DAB1: variants seen among roughly 807,000 people sequenced by gnomAD.
The protein encoded by DAB1 is DAB adaptor protein 1.
Under a neutral mutation model 64.6 loss-of-function variants are expected in DAB1, and 15 were observed. That is an observed-to-expected ratio of 0.23 (90% CI 0.16 to 0.36). DAB1 has a LOEUF of 0.36. DAB1 is among the 10% of genes least tolerant of loss of function. The pLI is 1.00. For synonymous variants in DAB1, 235 were observed against 251.9 expected, an observed-to-expected ratio of 0.93 and a Z score of 0.64; for missense variants, 596 against 706.7, an observed-to-expected ratio of 0.84 and a Z score of 1.78.
intron 1 of DAB1, among the ~76,000 whole-genome samples, chr1:57,842,663 G>A (rs852791): frequency 0.22 from 33,783 of 152,094 alleles, 4,402 homozygotes; most frequent in Non-Finnish European, 0.29. Context: ...AAGCAAGGGG[G>A]GGATGTGCCA....
At chr1:57,892,326 G>A (rs1272052470) in intron 5 of DAB1, among the ~76,000 whole-genome samples, 1 of 152,130 alleles carries the variant, frequency 6.6e-6, no homozygotes, top group East Asian at 1.9e-4. Context: ...CTCACCCCAT[G>A]GAATTAGGCA....
At chr1:57,137,257 G>A (rs1005211426) in intron 3 of DAB1, among the ~76,000 whole-genome samples, 1 of 152,074 alleles carries the variant, frequency 6.6e-6, no homozygotes, top group Non-Finnish European at 1.5e-5. Context: ...CAAAAAAACT[G>A]TTTCCTCACT....
At chr1:57,182,554 C>T (rs1205490030) in intron 2 of DAB1, among the ~76,000 whole-genome samples, 1 of 152,172 alleles carries the variant, frequency 6.6e-6, no homozygotes, top group Non-Finnish European at 1.5e-5. Flanking sequence ...GGAGGAAAGA[C>T]TTATCTCCTA....
In DAB1 at chr1:57,218,515, T is replaced by TAAAAAAAAAAAAAA. The variant is rs776398255; in HGVS notation, c.67+72435_67+72448dup. ...AGCAACATAGTGAGACCCCCATCTC[T>TAAAAAAAAAAAAAA]AAAAAAAAAAAAAAAAAAAAAAAAA... On this transcript the variant is annotated intron_variant, in intron 2 of 14. Coordinates refer to ENST00000371236, the MANE Select transcript of DAB1 (RefSeq NM_001365792.1). Among the ~76,000 whole-genome samples, 29 of 71,448 alleles carry TAAAAAAAAAAAAAA rather than the reference T, an allele frequency of 4.1e-4. 2 individuals are homozygous for TAAAAAAAAAAAAAA. The highest frequency in any genetic ancestry group is 1.9e-3 in the African/African-American group (25 of 13,462). The allele number at this position is 71,448 out of a possible 152,430, so 46.9% of individuals were successfully genotyped here.
chr1:58,423,568 T>C (rs565433093), intron 3 of DAB1, among the ~76,000 whole-genome samples: 2 of 152,346 alleles, frequency 1.3e-5, no homozygotes, highest in African/African-American at 4.8e-5. Flanking sequence ...CAGGGTTCCC[T>C]ATCCTTCAGC....
At chr1:58,487,912 T>C (rs999683130) in intron 3 of DAB1, among the ~76,000 whole-genome samples, 10 of 138,046 alleles carry the variant, frequency 7.2e-5, no homozygotes, top group African/African-American at 2.2e-4. Flanking sequence ...GTACCTCTTC[T>C]CCTGATCCTA....
intron 1 of DAB1, among the ~76,000 whole-genome samples, chr1:57,380,927 A>T (rs1681318200): frequency 6.6e-6 from 1 of 152,196 alleles, no homozygotes. Context: ...TTGAAATGTA[A>T]GAGTTGATGA....
At chr1:57,952,657 G>A (rs1645303813) in intron 5 of DAB1, among the ~76,000 whole-genome samples, 1 of 152,104 alleles carries the variant, frequency 6.6e-6, no homozygotes, top group Non-Finnish European at 1.5e-5. Flanking sequence ...AGCAAATAAA[G>A]CCTTCCTACC....
chr1:57,098,763 A>C (rs1365417561), intron 4 of DAB1, among the ~76,000 whole-genome samples: 1 of 152,224 alleles, frequency 6.6e-6, no homozygotes, highest in Non-Finnish European at 1.5e-5. Flanking sequence ...ATAATTATTT[A>C]AAAATTGGGG....
At chr1:57,516,880 G>A (rs955295628) in intron 7 of DAB1, among the ~76,000 whole-genome samples, 1 of 152,110 alleles carries the variant, frequency 6.6e-6, no homozygotes, top group Non-Finnish European at 1.5e-5. Context: ...TTATTCATCC[G>A]TCTGCTCAAG....
intron 6 of DAB1, among the ~76,000 whole-genome samples, chr1:57,804,128 G>T (rs1032042286): frequency 6.6e-6 from 1 of 152,172 alleles, no homozygotes; most frequent in Non-Finnish European, 1.5e-5. Flanking sequence ...TCAAAAATAT[G>T]TATTACAGAC....
chr1:57,844,233 C>T (rs768234985), intron 1 of DAB1, among the ~76,000 whole-genome samples: 10 of 152,196 alleles, frequency 6.6e-5, no homozygotes, highest in South Asian at 2.1e-4. Context: ...ACTGAAATAA[C>T]GGATTCATGT....
intron 2 of DAB1, among the ~76,000 whole-genome samples, chr1:58,518,647 G>A (rs1264345725): frequency 6.8e-6 from 1 of 148,136 alleles, no homozygotes; most frequent in Non-Finnish European, 1.5e-5. Context: ...AACCCTGGAG[G>A]ACTCCAGGGT....
chr1:58,368,388 T>C (rs1237079339), intron 3 of DAB1, among the ~76,000 whole-genome samples: 1 of 152,114 alleles, frequency 6.6e-6, no homozygotes, highest in East Asian at 1.9e-4. Flanking sequence ...AAGTTTTGGT[T>C]ACCCCACTGG....
chr1:57,578,160 C>T (rs1645272240), intron 7 of DAB1, among the ~76,000 whole-genome samples: 1 of 152,146 alleles, frequency 6.6e-6, no homozygotes, highest in African/African-American at 2.4e-5. Flanking sequence ...CAAAATTGTG[C>T]CAGAGGGTTC....
intron 9 of DAB1, among the ~76,000 whole-genome samples, chr1:57,047,664 G>T (rs1016073616): frequency 6.6e-6 from 1 of 152,180 alleles, no homozygotes; most frequent in African/African-American, 2.4e-5. Flanking sequence ...ATAATTTTCT[G>T]TTGTTTAAAC....
intron 5 of DAB1, among the ~76,000 whole-genome samples, chr1:58,059,959 C>T (rs986419551): frequency 3.9e-5 from 6 of 152,134 alleles, no homozygotes; most frequent in Admixed American, 3.3e-4. Flanking sequence ...TTCCTGGGAG[C>T]TCCCGGGAAG....
chr1:57,549,918 C>T (rs1049879184), intron 7 of DAB1, among the ~76,000 whole-genome samples: 1 of 152,100 alleles, frequency 6.6e-6, no homozygotes, highest in Admixed American at 6.6e-5. Flanking sequence ...GTTCTACAGG[C>T]ATTAGGAGGT....
chr1:57,876,290 T>C (rs1644044601), intron 1 of DAB1: 1 of 152,108 alleles, frequency 6.6e-6, no homozygotes, highest in South Asian at 2.1e-4. Context: ...TTTACTCAGT[T>C]TAGTAGCCAT....
Sources: gnomAD v4.1 joint callset for allele counts (sites outside exome capture counted in the v4.1 genomes callset) on GRCh38, gnomAD v4.1.1 for gene constraint, MANE v1.5 for transcripts, NCBI Gene and HGNC (gene_info 2026-07-23, HGNC 2026-07-21) for gene names.